Variants in NPHP4 observed in about 807,000 individuals in gnomAD.
NPHP4 encodes the protein nephrocystin-4.
A neutral mutation model predicts 155.8 loss-of-function variants in NPHP4; 151 were observed. The observed-to-expected ratio is 0.97, with a 90% CI of 0.85 to 1.11. NPHP4 has a LOEUF of 1.11. Ranked by LOEUF, NPHP4 falls within the 50% of genes least tolerant of loss-of-function variation. The pLI, the probability that NPHP4 is intolerant of heterozygous loss-of-function variation, is 0.00. For synonymous variants in NPHP4, 845 were observed against 816.8 expected, an observed-to-expected ratio of 1.03 and a Z score of -0.59; for missense variants, 1,956 against 1,925.7, an observed-to-expected ratio of 1.02 and a Z score of -0.29.
At chr1:5,972,439 C>T (rs1355240108) in intron 3 of NPHP4, among the ~76,000 whole-genome samples, 1 of 152,240 alleles carries the variant, frequency 6.6e-6, no homozygotes, top group East Asian at 1.9e-4. Flanking sequence ...ACAATGTCAG[C>T]AGTGCCAAGG....
At chr1:5,879,612 C>A in intron 19 of NPHP4, 1 of 519,124 alleles carries the variant, frequency 1.9e-6, no homozygotes, top group South Asian at 1.4e-5. Flanking sequence ...CCAAACAGCA[C>A]AGTCGCCTGC....
At chr1:5,873,580 C>T in intron 22 of NPHP4, 2 of 573,134 alleles carry the variant, frequency 3.5e-6, no homozygotes, top group Admixed American at 3.2e-5. Context: ...GCCTGAGGTC[C>T]CACCTGCAGT....
intron 3 of NPHP4, among the ~76,000 whole-genome samples, chr1:5,972,857 TG>T (rs151318695): frequency 6.6e-6 from 1 of 152,284 alleles, no homozygotes; most frequent in African/African-American, 2.4e-5. Context: ...CAGTATCCAC[TG>T]AACCTAATTT....
intron 12 of NPHP4, 81 bp from the exon 13 acceptor site, chr1:5,907,303 CCGGGGA>C: frequency 2.3e-6 from 2 of 876,830 alleles, no homozygotes; most frequent in Non-Finnish European, 3.5e-6. Context: ...ACTGGCCACA[CCGGGGA>C]ACGGGGTAGC....
intron 6 of NPHP4, among the ~76,000 whole-genome samples, chr1:5,960,717 A>C (rs1321685829): frequency 6.6e-6 from 1 of 152,180 alleles, no homozygotes; most frequent in East Asian, 1.9e-4. Flanking sequence ...TGCCTGGAAG[A>C]AGCATGCAGC....
At chr1:5,900,451 A>G (rs1488995616) in intron 16 of NPHP4, among the ~76,000 whole-genome samples, 1 of 152,186 alleles carries the variant, frequency 6.6e-6, no homozygotes, top group Non-Finnish European at 1.5e-5. Flanking sequence ...GGAAGAAACC[A>G]GTTTTGAAAA....
rs536483984 is a variant in NPHP4, at chr1:5,925,346, G to A, written c.1441+2303C>T. ...ATTTAAAGTACAGAGGAGGATGTGC[G>A]TAGATTACAGGCAAATACCACACCA... On this transcript the variant is annotated intron_variant, in intron 11 of 29. Coordinates refer to ENST00000378156, the MANE Select transcript of NPHP4 (RefSeq NM_015102.5). 7.2e-5 allele frequency among the ~76,000 whole-genome samples: 11 copies of A among 152,308 alleles called. No homozygotes were observed. In the South Asian group the frequency reaches 1.2e-3, roughly 17 times the overall value.
In NPHP4 at chr1:5,910,578, G is replaced by A. The variant is rs150053738; in HGVS notation, c.1442-1365C>T. Among the ~76,000 whole-genome samples the A allele has an allele frequency of 3.7e-3, 564 of 152,268 alleles. 1 individual carries two copies. Among genetic ancestry groups the A allele is most frequent in the African/African-American group, 0.012 (511 of 41,542 alleles). On this transcript the variant is annotated intron_variant, in intron 11 of 29. Transcript: ENST00000378156. The surrounding 1 kb of genome is among the most constrained non-coding windows in gnomAD (Gnocchi z 5.4). ...ACAGGCCGGCACTTACGGGACCTACGGACCAAGCACACAGCACAGAGGCCT... is the reference window on the plus strand; with the variant it reads ...ACAGGCCGGCACTTACGGGACCTACAGACCAAGCACACAGCACAGAGGCCT...
At chr1:5,987,572 CT>C (rs1557899026) in intron 1 of NPHP4, among the ~76,000 whole-genome samples, 1 of 152,150 alleles carries the variant, frequency 6.6e-6, no homozygotes, top group Non-Finnish European at 1.5e-5. Flanking sequence ...AACAAGGCAG[CT>C]TCAAGTAAGA....
Position 5,904,610 on chromosome 1 carries a change from T to C in NPHP4, c.2143+7A>G. The C allele has an allele frequency of 1.3e-6, 2 of 1,599,056 alleles. No homozygotes were observed. The highest frequency in any genetic ancestry group is 8.5e-7 in the Non-Finnish European group (1 of 1,170,136). The stretch of plus-strand genomic sequence containing the variant: ...GTCTTGCCTTTGCCATGCACATGAG[T>C]ACTCACCAGCATCAAAGGTGCCATC... On this transcript the variant is annotated splice_region_variant and intron_variant, in intron 16 of 29. Coordinates refer to ENST00000378156, the MANE Select transcript of NPHP4 (RefSeq NM_015102.5).
In NPHP4 at chr1:5,933,321, C is replaced by T. The variant is rs757711149; in HGVS notation, c.1128G>A (p.Ser376=). Residue 376 remains serine (S), a synonymous_variant, in exon 10 of 30, where the codon TCG becomes TCA. Coordinates refer to ENST00000378156, the MANE Select transcript of NPHP4 (RefSeq NM_015102.5). ...SPAGVDGNAA[S]VTSLSNLACM... ...ATGCCAGGTTGGACAGAGAGGTGAC[C>T]GAAGCTGCCTAGAATTAAAACAAAG... 1.4e-5 allele frequency: 22 copies of T among 1,612,246 alleles called. No homozygotes were observed. Among genetic ancestry groups the T allele is most frequent in the Non-Finnish European group, 1.4e-5 (16 of 1,179,622 alleles).
At chr1:5,864,860 T>C (rs954034869) in intron 27 of NPHP4, 4 of 563,760 alleles carry the variant, frequency 7.1e-6, no homozygotes, top group African/African-American at 5.6e-5. Context: ...CTCCTGTCAC[T>C]GTTCACCTTG....
chr1:5,874,910 T>A lies in NPHP4; in HGVS notation c.3008A>T (p.His1003Leu). ...FVLKNPHNTQHTVTVEIDNPE... is the reference protein window; with the variant it reads ...FVLKNPHNTQLTVTVEIDNPE... ...GTTGTCGATCTCCACAGTCACCGTG[T>A]GCTGTGTGTTGTGGGGGTTCTTAAG... The change falls in exon 21 of 30, where the codon CAC becomes CTC. Residue 1003 changes from histidine (H) to leucine (L), a missense_variant. Physicochemically the swap from His to Leu is moderately conservative, Grantham distance 99. Transcript: ENST00000378156. The A allele has an allele frequency of 6.2e-7, 1 of 1,613,732 alleles. No individual in the cohort carries two copies. Among genetic ancestry groups the A allele is most frequent in the Non-Finnish European group, 8.5e-7 (1 of 1,179,842 alleles).
intron 9 of NPHP4, among the ~76,000 whole-genome samples, chr1:5,943,330 T>C (rs1646921290): frequency 6.6e-6 from 1 of 152,230 alleles, no homozygotes; most frequent in African/African-American, 2.4e-5. Context: ...ACCCAAAGAA[T>C]ACATGCAGAC....
At chr1:5,869,103 ATGCACC>A (rs1449927669) in intron 23 of NPHP4, among the ~76,000 whole-genome samples, 1 of 133,818 alleles carries the variant, frequency 7.5e-6, no homozygotes, top group Non-Finnish European at 1.6e-5. Context: ...GCACACATGC[ATGCACC>A]CACATGCACA....
Position 5,874,981 on chromosome 1 carries a change from G to C in NPHP4, c.2937C>G (p.His979Gln), listed in dbSNP as rs1345509870. The change falls in exon 21 of 30, where the codon CAC becomes CAG. Residue 979 changes from histidine to glutamine, a missense_variant. His to Gln is a conservative substitution (Grantham distance 24). Coordinates refer to ENST00000378156, the MANE Select transcript of NPHP4 (RefSeq NM_015102.5). ...SLLSLAITTE[H>Q]TLHATLGVAE... ...CGACCCCCAGCGTGGCGTGGAGCGT[G>C]TGCTCCGTGGTGATGGCCAGGCTCA... is the stretch of plus-strand genomic sequence containing the variant. 1.9e-6 allele frequency: 3 copies of C among 1,612,634 alleles called. No homozygotes were observed. The highest frequency in any genetic ancestry group is 3.3e-5 in the Admixed American group (2 of 60,006).
At chr1:5,985,475 G>A (rs1394907387) in intron 2 of NPHP4, among the ~76,000 whole-genome samples, 1 of 152,258 alleles carries the variant, frequency 6.6e-6, no homozygotes, top group Non-Finnish European at 1.5e-5. Context: ...GCACAGAGCT[G>A]CCAGAATGCC....
chr1:5,952,395 T>C (rs576664710), intron 7 of NPHP4, among the ~76,000 whole-genome samples: 1 of 152,360 alleles, frequency 6.6e-6, no homozygotes, highest in African/African-American at 2.4e-5. Flanking sequence ...AGCACCTTCA[T>C]CACTGTTGAA....
rs1409073589 is a variant in NPHP4, at chr1:5,927,681, C to T, written c.1409G>A (p.Arg470Gln). 2.5e-6 allele frequency: 4 copies of T among 1,612,444 alleles called. No homozygotes were observed. The highest frequency in any genetic ancestry group is 3.4e-6 in the Non-Finnish European group (4 of 1,178,646). Residue 470 changes from arginine to glutamine, a missense_variant, in exon 11 of 30, where the codon CGG (arginine) becomes CAG (glutamine). Physicochemically the swap from Arg to Gln is conservative, Grantham distance 43 (BLOSUM62 1). Coordinates refer to ENST00000378156, the MANE Select transcript of NPHP4 (RefSeq NM_015102.5). The part of the protein sequence containing the change: ...EPVSGPKVER[R>Q]PSRKPPTSPS... ...GGACGTGGGTGGTTTCCTGGAAGGC[C>T]GCCGCTCCACTTTGGGGCCACTGAC...
Sources: allele counts gnomAD v4.1 joint callset (sites outside exome capture counted in the v4.1 genomes callset), GRCh38; gene constraint gnomAD v4.1.1; non-coding constraint Gnocchi (gnomAD v3.1); transcripts MANE v1.5; gene names NCBI Gene and HGNC (gene_info 2026-07-23, HGNC 2026-07-21).